Variants in MYO18B observed in about 807,000 individuals in gnomAD.
The protein encoded by MYO18B is unconventional myosin-XVIIIb.
In MYO18B, 204 loss-of-function variants were observed where a neutral mutation model predicts 273.0. That is an observed-to-expected ratio of 0.75 (90% CI 0.67 to 0.84). The LOEUF (loss-of-function observed/expected upper bound fraction) is 0.84, where lower values mean the gene tolerates loss of function less well. MYO18B is among the 40% of genes least tolerant of loss of function. MYO18B has a pLI of 0.00. For synonymous variants in MYO18B, 1,330 were observed against 1,305.7 expected, an observed-to-expected ratio of 1.02 and a Z score of -0.40; for missense variants, 3,212 against 3,287.6, an observed-to-expected ratio of 0.98 and a Z score of 0.56.
intron 16 of MYO18B, among the ~76,000 whole-genome samples, chr22:25,834,818 T>C (rs2089839168): frequency 6.6e-6 from 1 of 152,210 alleles, no homozygotes; most frequent in South Asian, 2.1e-4. Flanking sequence ...TGAGTGCTTT[T>C]TTTCTCCTCC....
At chr22:25,792,044 T>G (rs1411792167) in intron 11 of MYO18B, among the ~76,000 whole-genome samples, 1 of 152,218 alleles carries the variant, frequency 6.6e-6, no homozygotes, top group Non-Finnish European at 1.5e-5. Flanking sequence ...GACAATGTGC[T>G]CTAAGGTCTG....
At chr22:25,847,114 A>G (rs2146020495) in intron 19 of MYO18B, among the ~76,000 whole-genome samples, 1 of 152,040 alleles carries the variant, frequency 6.6e-6, no homozygotes, top group East Asian at 1.9e-4. Context: ...GAAAAATAAA[A>G]TGGACCTCCT....
the MYO18B span, among the ~76,000 whole-genome samples, chr22:26,049,890 A>G: frequency 6.6e-6 from 1 of 152,236 alleles, no homozygotes; most frequent in African/African-American, 2.4e-5. Flanking sequence ...GCTGGTATAC[A>G]ACAAGTACAA....
rs149103381 is a variant in MYO18B, at chr22:26,027,319, C to T, written c.7345C>T (p.Arg2449Trp). ...VDFDDFLPAI[R>W]KPQTPTSLAG... ...CTTCGATGACTTCCTCCCAGCTATCCGGAAGCCCCAGACACCTACCTCCTT... is the reference window on the plus strand; with the variant it reads ...CTTCGATGACTTCCTCCCAGCTATCTGGAAGCCCCAGACACCTACCTCCTT... The change falls in exon 43 of 44, where the codon CGG (arginine) becomes TGG (tryptophan). Residue 2449 changes from arginine to tryptophan, a missense_variant. Physicochemically the swap from Arg to Trp is moderately radical, Grantham distance 101. Transcript: ENST00000335473. This position sits in a 1 kb window ranked among gnomAD's most constrained non-coding sequence, Gnocchi z 4.1. 9,051 of 1,613,998 alleles carry T rather than the reference C, an allele frequency of 5.6e-3. 36 individuals carry two copies. The highest frequency in any genetic ancestry group is 6.6e-3 in the Non-Finnish European group (7,745 of 1,179,882).
chr22:25,778,807 T>TC lies in MYO18B; in HGVS notation c.2068+1026_2068+1027insC, dbSNP rs1168308566. The stretch of plus-strand genomic sequence containing the variant: ...GTGCCCAACCTGAACTTTTTTTTTT[T>TC]TAATCTAAAACAGCCCTATAAGGTA... On this transcript the variant is annotated intron_variant, in intron 8 of 43. Transcript: ENST00000335473. 6.6e-5 allele frequency among the ~76,000 whole-genome samples: 10 copies of TC among 151,676 alleles called. No individual in the cohort carries two copies. The East Asian group carries it at 1.7e-3, about 26-fold the overall frequency.
chr22:25,814,276 A>G (rs898442267), intron 12 of MYO18B, among the ~76,000 whole-genome samples: 2 of 132,098 alleles, frequency 1.5e-5, no homozygotes, highest in Admixed American at 8.9e-5. Context: ...AGTGCTTGCC[A>G]TGCTCCCAGG....
intron 17 of MYO18B, 116 bp downstream of exon 17, chr22:25,835,559 A>G: frequency 7.9e-7 from 1 of 1,268,124 alleles, no homozygotes; most frequent in Non-Finnish European, 1.1e-6. Flanking sequence ...CAACGTGCAG[A>G]GGTGAATGTG....
Position 25,921,464 on chromosome 22 carries a change from C to T in MYO18B, c.5517+55C>T. Reference sequence around the variant, plus strand: ...AGGCTGGGGAGGATGCTACGACCTGCAGAGAATTGCTGTCCCTCCCAGGTA... The same window carrying T: ...AGGCTGGGGAGGATGCTACGACCTGTAGAGAATTGCTGTCCCTCCCAGGTA... On this transcript the variant is annotated intron_variant, in intron 34 of 43. Coordinates refer to ENST00000335473, the MANE Select transcript of MYO18B (RefSeq NM_032608.7). 1.9e-6 allele frequency: 3 copies of T among 1,552,296 alleles called. No individual in the cohort carries two copies. The South Asian group carries it at 3.6e-5, about 19-fold the overall frequency.
intron 25 of MYO18B, 41 bp downstream of exon 25, chr22:25,878,089 T>C: frequency 6.8e-7 from 1 of 1,465,684 alleles, no homozygotes; most frequent in South Asian, 1.2e-5. Flanking sequence ...GGGGGGTCTT[T>C]ATGTATGTGA....
chr22:25,828,638 G>A (rs1012452558), intron 14 of MYO18B, 138 bp from the exon 15 acceptor site: 11 of 736,334 alleles, frequency 1.5e-5, no homozygotes, highest in Admixed American at 2.7e-5. Flanking sequence ...GCTCAGAGAG[G>A]TTAAGTAGCT....
At chr22:25,798,542 G>A (rs916318977) in intron 12 of MYO18B, among the ~76,000 whole-genome samples, 18 of 152,052 alleles carry the variant, frequency 1.2e-4, no homozygotes, top group Non-Finnish European at 2.2e-4. Context: ...CTGCAGTAAA[G>A]GTGCTGTGTT....
At chr22:25,944,231 C>T (rs987441580) in intron 34 of MYO18B, among the ~76,000 whole-genome samples, 18 of 152,162 alleles carry the variant, frequency 1.2e-4, no homozygotes, top group African/African-American at 4.1e-4. Flanking sequence ...TCTAACAAGG[C>T]CAATTACCTT....
At chr22:25,762,989 G>T in intron 2 of MYO18B, 1 of 681,766 alleles carries the variant, frequency 1.5e-6, no homozygotes. Flanking sequence ...AGTGGATCCA[G>T]GCAGAAATCA....
chr22:25,992,327 C>A, intron 39 of MYO18B, 36 bp from the exon 40 acceptor site: 1 of 1,610,124 alleles, frequency 6.2e-7, no homozygotes, highest in East Asian at 2.2e-5. Context: ...CATTTCTTGC[C>A]CAAGGCCAAC....
Position 25,878,905 on chromosome 22 carries a change from G to A in MYO18B, c.4314+857G>A, listed in dbSNP as rs77671211. On this transcript the variant is annotated intron_variant, in intron 25 of 43. Coordinates refer to ENST00000335473, the MANE Select transcript of MYO18B (RefSeq NM_032608.7). ...ATTTATGCTAGAGAATCTTATCCAC[G>A]AATATATGAAAATACAAGAAGTTCA... is the stretch of plus-strand genomic sequence containing the variant. 5.3e-4 allele frequency among the ~76,000 whole-genome samples: 80 copies of A among 152,306 alleles called. No individual in the cohort carries two copies. The East Asian group carries it at 0.014, about 26-fold the overall frequency.
chr22:25,776,473 C>T (rs899343947), intron 7 of MYO18B, among the ~76,000 whole-genome samples: 13 of 152,182 alleles, frequency 8.5e-5, no homozygotes, highest in African/African-American at 2.7e-4. Context: ...TGGTGCACGC[C>T]TTAATCCCAG....
chr22:25,835,541 A>G, intron 17 of MYO18B, 98 bp downstream of exon 17: 1 of 1,459,136 alleles, frequency 6.9e-7, no homozygotes, highest in African/African-American at 1.4e-5. Flanking sequence ...AGGCCTGCAC[A>G]GAGGCTCCAA....
At chr22:25,923,174 G>A (rs1403079900) in intron 34 of MYO18B, among the ~76,000 whole-genome samples, 2 of 152,220 alleles carry the variant, frequency 1.3e-5, no homozygotes, top group Non-Finnish European at 2.9e-5. Context: ...AAAGAATATG[G>A]CAGAAGCAAA....
chr22:25,826,281 A>C, intron 13 of MYO18B, 128 bp from the exon 14 acceptor site: 1 of 632,106 alleles, frequency 1.6e-6, no homozygotes. Context: ...AAATAATTTT[A>C]GCAGTGGAGG....
Sources: gnomAD v4.1 joint callset for allele counts (sites outside exome capture counted in the v4.1 genomes callset) on GRCh38, gnomAD v4.1.1 for gene constraint, Gnocchi (gnomAD v3.1) non-coding constraint, MANE v1.5 for transcripts, NCBI Gene and HGNC (gene_info 2026-07-23, HGNC 2026-07-21) for gene names.